Variants in PTPRK observed in about 807,000 individuals in gnomAD.
The protein encoded by PTPRK is receptor-type tyrosine-protein phosphatase kappa.
A neutral mutation model predicts 178.0 loss-of-function variants in PTPRK; 75 were observed. That is an observed-to-expected ratio of 0.42 (90% CI 0.35 to 0.51). PTPRK has a LOEUF of 0.51. Among genes scored for constraint, PTPRK ranks in the 20% least tolerant of loss-of-function variants. The probability of loss-of-function intolerance (pLI) is 0.02; values close to 1 mark genes in which losing one functional copy is unlikely to be tolerated. For synonymous variants in PTPRK, 637 were observed against 620.6 expected (o/e 1.03, Z -0.39); for missense variants, 1,441 against 1,797.8 (o/e 0.80, Z 3.59).
At chr6:127,984,706 G>T (rs891033081) in intron 22 of PTPRK, among the ~76,000 whole-genome samples, 13 of 152,142 alleles carry the variant, frequency 8.5e-5, no homozygotes, top group African/African-American at 2.9e-4. Context: ...TAAACTCACT[G>T]TTCTTTTAGA....
chr6:128,027,909 T>C (rs1410365987), intron 13 of PTPRK: 1 of 152,212 alleles, frequency 6.6e-6, no homozygotes, highest in Non-Finnish European at 1.5e-5. Context: ...CTTTTACCGA[T>C]GAGGACACTG....
chr6:128,175,385 G>T (rs1800906642), intron 7 of PTPRK, among the ~76,000 whole-genome samples: 2 of 151,752 alleles, frequency 1.3e-5, no homozygotes, highest in Non-Finnish European at 1.5e-5. Context: ...CAGTTATGTG[G>T]AAAAAAGGTA....
At chr6:128,357,490 G>A (rs1834114661) in intron 2 of PTPRK, among the ~76,000 whole-genome samples, 1 of 152,144 alleles carries the variant, frequency 6.6e-6, no homozygotes, top group Admixed American at 6.5e-5. Flanking sequence ...GATATGGGGA[G>A]GAGACCTACA....
intron 6 of PTPRK, among the ~76,000 whole-genome samples, chr6:128,210,368 GA>G (rs371662096): frequency 5.4e-4 from 65 of 119,864 alleles, no homozygotes; most frequent in East Asian, 1.1e-3. Context: ...AACTCCGGAG[GA>G]AAAAAAAAAA....
At chr6:128,470,008 G>T (rs1010070058) in intron 1 of PTPRK, among the ~76,000 whole-genome samples, 1 of 152,132 alleles carries the variant, frequency 6.6e-6, no homozygotes, top group Non-Finnish European at 1.5e-5. Context: ...AAATGTAAGA[G>T]AATAAATTTG....
intron 7 of PTPRK, among the ~76,000 whole-genome samples, chr6:128,176,168 T>A (rs762963094): frequency 6.6e-6 from 1 of 151,906 alleles, no homozygotes; most frequent in African/African-American, 2.4e-5. Context: ...TATATGCATA[T>A]GTGTGTGTAT....
At chr6:128,407,081 G>A (rs920023879) in intron 1 of PTPRK, among the ~76,000 whole-genome samples, 4 of 152,150 alleles carry the variant, frequency 2.6e-5, no homozygotes, top group African/African-American at 9.7e-5. Context: ...TTAGAAACGT[G>A]TGTCAATTAA....
chr6:128,118,960 T>A (rs1792008015), intron 7 of PTPRK, among the ~76,000 whole-genome samples: 1 of 152,180 alleles, frequency 6.6e-6, no homozygotes, highest in Non-Finnish European at 1.5e-5. Flanking sequence ...TTTACTGCAT[T>A]TCTCTCAGGT....
At chr6:128,169,674 T>C (rs1201054080) in intron 7 of PTPRK, among the ~76,000 whole-genome samples, 1 of 152,044 alleles carries the variant, frequency 6.6e-6, no homozygotes, top group Admixed American at 6.6e-5. Flanking sequence ...CACAAATAAC[T>C]TTAATGGCTA....
chr6:128,199,520 A>T (rs1805516517), intron 6 of PTPRK, among the ~76,000 whole-genome samples: 1 of 149,858 alleles, frequency 6.7e-6, no homozygotes, highest in African/African-American at 2.4e-5. Flanking sequence ...ACATTTATCA[A>T]ACTATATGTT....
intron 1 of PTPRK, among the ~76,000 whole-genome samples, chr6:128,411,540 A>G (rs905929013): frequency 1.3e-5 from 2 of 152,218 alleles, no homozygotes; most frequent in Non-Finnish European, 2.9e-5. Context: ...TCAAGCAGAT[A>G]TAAGTAGCAG....
chr6:128,103,242 C>T (rs1789093604), intron 7 of PTPRK, among the ~76,000 whole-genome samples: 2 of 152,128 alleles, frequency 1.3e-5, no homozygotes, highest in African/African-American at 4.8e-5. Context: ...TCCCACTCCA[C>T]CCCCTTTCCG....
rs10651820 is a variant in PTPRK at position 128,322,667 on chromosome 6, A to AATATATATATATATATATATATAT, written c.224-358_224-357insATATATATATATATATATATATAT. Reference sequence around the variant, plus strand: ...TTACTGAACACAAGTCTTTTAATATAATATATATATATATGTATACACACA... The same window carrying AATATATATATATATATATATATAT: ...TTACTGAACACAAGTCTTTTAATATAATATATATATATATATATATATATATATATATATATATGTATACACACA... On this transcript the variant is annotated intron_variant, in intron 2 of 29. Coordinates refer to ENST00000368226, the MANE Select transcript of PTPRK (RefSeq NM_002844.4). Among the ~76,000 whole-genome samples the AATATATATATATATATATATATAT allele has an allele frequency of 2.3e-3, 332 of 143,736 alleles. 3 individuals carry two copies. The highest frequency in any genetic ancestry group is 6.2e-3 in the South Asian group (29 of 4,666). The allele number at this position is 143,736 out of a possible 152,430, so 94.3% of individuals were successfully genotyped here. A position where few individuals can be genotyped will look rare whatever the true frequency, so the allele number is the denominator to read the frequency against.
At chr6:127,972,141 G>A (rs935577744) in intron 29 of PTPRK, among the ~76,000 whole-genome samples, 3 of 152,156 alleles carry the variant, frequency 2.0e-5, no homozygotes, top group African/African-American at 7.2e-5. Flanking sequence ...AGGAAGCAAC[G>A]CAACTCTTGT....
intron 6 of PTPRK, among the ~76,000 whole-genome samples, chr6:128,214,342 C>A (rs1363589815): frequency 1.3e-5 from 2 of 151,994 alleles, no homozygotes; most frequent in East Asian, 3.9e-4. Flanking sequence ...ATGGTAACAC[C>A]CTTCTCCAAT....
chr6:128,419,243 G>A (rs777868042), intron 1 of PTPRK, among the ~76,000 whole-genome samples: 4 of 152,180 alleles, frequency 2.6e-5, no homozygotes, highest in East Asian at 1.9e-4. Context: ...TACAGACCAC[G>A]GAAAGATTAA....
At chr6:128,458,905 T>C (rs963769751) in intron 1 of PTPRK, among the ~76,000 whole-genome samples, 1 of 152,172 alleles carries the variant, frequency 6.6e-6, no homozygotes, top group African/African-American at 2.4e-5. Context: ...ACGACGGACA[T>C]TTCTCATGGT....
chr6:128,110,025 T>C (rs760995731), intron 7 of PTPRK, among the ~76,000 whole-genome samples: 1 of 152,072 alleles, frequency 6.6e-6, no homozygotes, highest in Non-Finnish European at 1.5e-5. Flanking sequence ...CCTGCCTCAG[T>C]CTCCTGAGTG....
At chr6:128,391,455 C>T (rs77782601) in intron 2 of PTPRK, among the ~76,000 whole-genome samples, 3,717 of 152,184 alleles carry the variant, frequency 0.024, 142 homozygotes, top group African/African-American at 0.084. Flanking sequence ...ACAAAACTAG[C>T]GATAATATTG....
Sources: gnomAD v4.1 joint callset for allele counts (sites outside exome capture counted in the v4.1 genomes callset) on GRCh38, gnomAD v4.1.1 for gene constraint, MANE v1.5 for transcripts, NCBI Gene and HGNC (gene_info 2026-07-23, HGNC 2026-07-21) for gene names.